Variants in ATP2B2 observed in about 807,000 individuals in gnomAD.
The protein encoded by ATP2B2 is ATPase plasma membrane Ca2+ transporting 2, also known as plasma membrane calcium-transporting ATPase 2.
In ATP2B2, 15 loss-of-function variants were observed where a neutral mutation model predicts 120.0. That is an observed-to-expected ratio of 0.12 (90% CI 0.08 to 0.19). The LOEUF is 0.19. ATP2B2 is among the 10% of genes least tolerant of loss of function. The probability of loss-of-function intolerance (pLI) is 1.00; values close to 1 mark genes in which losing one functional copy is unlikely to be tolerated. For synonymous variants in ATP2B2, 694 were observed against 700.3 expected, an observed-to-expected ratio of 0.99 and a Z score of 0.14; for missense variants, 1,045 against 1,719.8, an observed-to-expected ratio of 0.61 and a Z score of 6.94.
chr3:10,512,464 G>GCGCACACAGACACACAGACACA (rs749056818), intron 3 of ATP2B2, among the ~76,000 whole-genome samples: 26 of 137,026 alleles, frequency 1.9e-4, no homozygotes, highest in African/African-American at 7.5e-4. Flanking sequence ...AAGTGTGTGC[G>GCGCACACAGACACACAGACACA]CACACACACA....
intron 6 of ATP2B2, chr3:10,387,833 T>C: frequency 4.0e-6 from 1 of 247,466 alleles, no homozygotes; most frequent in Non-Finnish European, 8.0e-6. Flanking sequence ...CAGAATCTCC[T>C]CTGCCCATGT....
chr3:10,658,351 G>A (rs553472313), intron 1 of ATP2B2, among the ~76,000 whole-genome samples: 101 of 152,228 alleles, frequency 6.6e-4, no homozygotes, highest in Non-Finnish European at 5.4e-4. Flanking sequence ...CTTGAGAAAA[G>A]ATTAGACGAA....
At chr3:10,530,415 C>T (rs1231891602) in intron 3 of ATP2B2, among the ~76,000 whole-genome samples, 6 of 152,214 alleles carry the variant, frequency 3.9e-5, no homozygotes, top group East Asian at 1.9e-4. Flanking sequence ...AGAGGGGAGA[C>T]GACCTGCGGC....
At chr3:10,503,614 C>G (rs2066482056) in intron 1 of ATP2B2, among the ~76,000 whole-genome samples, 1 of 152,254 alleles carries the variant, frequency 6.6e-6, no homozygotes, top group Non-Finnish European at 1.5e-5. Context: ...CACGCAGCAT[C>G]CGCAGAGGTG....
chr3:10,461,945 G>A (rs894066515), intron 1 of ATP2B2, among the ~76,000 whole-genome samples: 4 of 152,092 alleles, frequency 2.6e-5, no homozygotes, highest in Admixed American at 2.6e-4. Context: ...GCCCACGGCT[G>A]ATGGCACCTC....
chr3:10,656,975 C>T (rs143995254), intron 1 of ATP2B2, among the ~76,000 whole-genome samples: 4 of 152,244 alleles, frequency 2.6e-5, no homozygotes, highest in African/African-American at 7.2e-5. Flanking sequence ...AGAGATGAGG[C>T]CAGCGGCTGG....
chr3:10,463,452 G>A (rs193146551), intron 1 of ATP2B2, among the ~76,000 whole-genome samples: 58 of 152,290 alleles, frequency 3.8e-4, no homozygotes, highest in African/African-American at 1.2e-3. Context: ...GCTGAGGGCC[G>A]GACACGTGCC....
At chr3:10,590,137 C>G (rs182619523) in intron 2 of ATP2B2, among the ~76,000 whole-genome samples, 45 of 152,302 alleles carry the variant, frequency 3.0e-4, no homozygotes, top group African/African-American at 1.0e-3. Flanking sequence ...GGATCTCCAG[C>G]CACTGTGTTG....
chr3:10,677,384 A>G (rs2125698736), intron 1 of ATP2B2, among the ~76,000 whole-genome samples: 1 of 152,304 alleles, frequency 6.6e-6, no homozygotes, highest in African/African-American at 2.4e-5. Flanking sequence ...GAAAATGATC[A>G]GTGGTCAACA....
intron 2 of ATP2B2, among the ~76,000 whole-genome samples, chr3:10,579,512 A>G (rs1022864266): frequency 1.3e-5 from 2 of 152,184 alleles, no homozygotes; most frequent in African/African-American, 4.8e-5. Context: ...CATCTCTACT[A>G]AAAATACAAT....
chr3:10,360,261 C>T, intron 12 of ATP2B2, 138 bp from the exon 13 acceptor site: 2 of 1,415,646 alleles, frequency 1.4e-6, no homozygotes, highest in South Asian at 3.0e-5. Context: ...AGCCCTTGGC[C>T]CATCCCCTGC....
intron 2 of ATP2B2, among the ~76,000 whole-genome samples, chr3:10,412,539 C>A (rs1326568236): frequency 6.6e-6 from 1 of 152,200 alleles, no homozygotes; most frequent in Non-Finnish European, 1.5e-5. Context: ...CGGGAACAGC[C>A]TTTCCTCCAC....
chr3:10,657,702 A>G (rs1421293203), intron 1 of ATP2B2, among the ~76,000 whole-genome samples: 1 of 152,152 alleles, frequency 6.6e-6, no homozygotes, highest in African/African-American at 2.4e-5. Flanking sequence ...GGCAGCAGAA[A>G]CCTCTGCAGA....
chr3:10,367,475 C>T (rs2061097803), intron 12 of ATP2B2, among the ~76,000 whole-genome samples: 1 of 152,032 alleles, frequency 6.6e-6, no homozygotes, highest in South Asian at 2.1e-4. Flanking sequence ...TAGCAAACTA[C>T]AGAGGGGAAA....
chr3:10,500,599 T>G (rs1202951954), intron 1 of ATP2B2, among the ~76,000 whole-genome samples: 7 of 149,846 alleles, frequency 4.7e-5, no homozygotes, highest in Admixed American at 1.3e-4. Context: ...CAGAGATGGG[T>G]GTGACGCAGC....
At position 10,439,101 on chromosome 3, in the gene ATP2B2, G is replaced by A. The variant is rs528403056; in HGVS notation, c.199+10244C>T. Among the ~76,000 whole-genome samples the A allele has an allele frequency of 4.1e-4, 63 of 152,370 alleles. No individual in the cohort carries two copies. The East Asian group carries it at 0.011, about 27-fold the overall frequency. ...GGCCAAGGGCACTGCCCTGGCCTGG[G>A]CACTGATGGGCCAAGGTTTTGAGGT... On this transcript the variant is annotated intron_variant, in intron 2 of 22. Coordinates refer to ENST00000360273, the MANE Select transcript of ATP2B2 (RefSeq NM_001001331.4).
chr3:10,408,767 G>A (rs548268538), intron 3 of ATP2B2, among the ~76,000 whole-genome samples: 2 of 152,082 alleles, frequency 1.3e-5, no homozygotes, highest in South Asian at 2.1e-4. Flanking sequence ...TGAGGCGCTC[G>A]GTCCATGTTA....
chr3:10,350,314 C>G, intron 15 of ATP2B2, 84 bp downstream of exon 15: 1 of 1,599,372 alleles, frequency 6.3e-7, no homozygotes. Flanking sequence ...CACTGGCTGG[C>G]TTCTGTACAA....
In ATP2B2 at chr3:10,359,755, C is replaced by T. The variant is rs190281309; in HGVS notation, c.1901+127G>A. The T allele has an allele frequency of 4.5e-3, 6,211 of 1,382,644 alleles. 24 individuals carry two copies. The highest frequency in any genetic ancestry group is 5.4e-3 in the Non-Finnish European group (5,361 of 995,246). 85.6% of individuals were successfully genotyped at this position (1,382,644 alleles called of 1,614,324 possible). A position where few individuals can be genotyped will look rare whatever the true frequency, so the allele number is the denominator to read the frequency against. ...GCCCTCTGTGGCTCTGGGTGCTAGACGGCCACTCCAGCCGGGCAGGCTGCT... is the reference window on the plus strand; with the variant it reads ...GCCCTCTGTGGCTCTGGGTGCTAGATGGCCACTCCAGCCGGGCAGGCTGCT... On this transcript the variant is annotated intron_variant, in intron 13 of 22. Transcript: ENST00000360273.
Sources: gnomAD v4.1 joint callset for allele counts (sites outside exome capture counted in the v4.1 genomes callset) on GRCh38, gnomAD v4.1.1 for gene constraint, MANE v1.5 for transcripts, NCBI Gene and HGNC (gene_info 2026-07-23, HGNC 2026-07-21) for gene names.